The following CNOT6 variants were observed in gnomAD, a reference collection of about 807,000 sequenced individuals.
CNOT6 encodes the protein CCR4-NOT transcription complex subunit 6.
CNOT6 carries 12 observed loss-of-function variants against 61.2 expected under a neutral mutation model. The ratio of observed to expected loss-of-function variants is 0.20; its 90% confidence interval spans 0.13 to 0.32. CNOT6 has a LOEUF of 0.32. Ranked by LOEUF, CNOT6 falls within the 10% of genes least tolerant of loss-of-function variation. The pLI is 1.00. For missense variants in CNOT6, 405 were observed against 663.9 expected (o/e 0.61, Z 4.28); for synonymous variants, 225 against 240.6 (o/e 0.94, Z 0.60).
intron 2 of CNOT6, among the ~76,000 whole-genome samples, chr5:180,542,333 C>T (rs113496243): frequency 7.3e-5 from 11 of 151,492 alleles, no homozygotes; most frequent in African/African-American, 2.4e-4. Flanking sequence ...GGTGCAATCT[C>T]GGCTCACCGC....
chr5:180,495,356 G>T (rs1201950625), intron 1 of CNOT6: 1 of 152,236 alleles, frequency 6.6e-6, no homozygotes, highest in Non-Finnish European at 1.5e-5. Flanking sequence ...TTCGGAGATT[G>T]TACTGGTTTC....
At chr5:180,560,707 T>C (rs961677623) in intron 4 of CNOT6, among the ~76,000 whole-genome samples, 1 of 152,216 alleles carries the variant, frequency 6.6e-6, no homozygotes, top group Non-Finnish European at 1.5e-5. Flanking sequence ...GTGGATTCCT[T>C]TGGGTTTTTC....
intron 4 of CNOT6, among the ~76,000 whole-genome samples, chr5:180,553,954 G>T (rs934682992): frequency 6.6e-6 from 1 of 152,170 alleles, no homozygotes; most frequent in Admixed American, 6.6e-5. Flanking sequence ...AGAACTATTA[G>T]GAAATAAATA....
intron 1 of CNOT6, among the ~76,000 whole-genome samples, chr5:180,507,048 G>A (rs1375232624): frequency 6.6e-6 from 1 of 152,194 alleles, no homozygotes; most frequent in Non-Finnish European, 1.5e-5. Flanking sequence ...GGGATATGGA[G>A]GAAGGTTGTA....
intron 4 of CNOT6, among the ~76,000 whole-genome samples, chr5:180,556,536 A>G (rs371415841): frequency 1.3e-5 from 2 of 152,206 alleles, no homozygotes; most frequent in African/African-American, 2.4e-5. Flanking sequence ...ATACACAATT[A>G]TATGTCCATT....
chr5:180,523,529 C>G (rs938929367), intron 1 of CNOT6, among the ~76,000 whole-genome samples: 8 of 152,144 alleles, frequency 5.3e-5, no homozygotes, highest in African/African-American at 1.9e-4. Context: ...CTCTTTTCAA[C>G]AACTATTTCT....
At chr5:180,544,778 T>G (rs1434897443) in intron 2 of CNOT6, among the ~76,000 whole-genome samples, 1 of 152,088 alleles carries the variant, frequency 6.6e-6, no homozygotes, top group East Asian at 1.9e-4. Context: ...CTCTCTTGAG[T>G]GAAGAGGGCA....
Position 180,571,793 on chromosome 5 carries a change from C to T in CNOT6, c.1461+361C>T, listed in dbSNP as rs1300833488. Reference sequence around the variant, plus strand: ...GCCCAGGCTGATCTTGAACTCCTGGCCTCAAATGATTCTTCCACCTCAGCC... The same window carrying T: ...GCCCAGGCTGATCTTGAACTCCTGGTCTCAAATGATTCTTCCACCTCAGCC... On this transcript the variant is annotated intron_variant, in intron 11 of 11. Coordinates refer to ENST00000261951, the MANE Select transcript of CNOT6 (RefSeq NM_001370472.1). Among the ~76,000 whole-genome samples the T allele has an allele frequency of 2.0e-5, 3 of 152,056 alleles. No individual in the cohort carries two copies. The East Asian group carries it at 5.8e-4, about 29-fold the overall frequency.
chr5:180,526,181 G>C (rs1161978752), intron 1 of CNOT6, among the ~76,000 whole-genome samples: 2 of 152,098 alleles, frequency 1.3e-5, no homozygotes, highest in Admixed American at 1.3e-4. Flanking sequence ...GGAGAAGGCA[G>C]AGAACATACA....
chr5:180,545,466 TTTG>T (rs1273597622), intron 2 of CNOT6, among the ~76,000 whole-genome samples: 3 of 152,200 alleles, frequency 2.0e-5, no homozygotes, highest in Non-Finnish European at 4.4e-5. Flanking sequence ...TTGCATTTTT[TTTG>T]TTGTTTTTGG....
In CNOT6 at chr5:180,569,166, A is replaced by C; in HGVS notation, c.1084A>C (p.Met362Leu). The change falls in exon 10 of 12, where the codon ATG (methionine) becomes CTG (leucine). Residue 362 changes from methionine (M) to leucine (L), a missense_variant. Transcript: ENST00000261951. ...ACTTATTCTTGTGGCTAACGCCCAC[A>C]TGCATTGGGACCCTGAATACTCTGA... ...KQLILVANAH[M>L]HWDPEYSDVK... 6.2e-7 allele frequency: 1 copy of C among 1,614,190 alleles called. No homozygotes were observed.
chr5:180,555,171 T>C (rs2127750571), intron 4 of CNOT6, among the ~76,000 whole-genome samples: 1 of 152,236 alleles, frequency 6.6e-6, no homozygotes, highest in Admixed American at 6.5e-5. Flanking sequence ...CATGCCCAGC[T>C]AATTTTTTGT....
At chr5:180,543,249 C>T (rs180974415) in intron 2 of CNOT6, among the ~76,000 whole-genome samples, 143 of 152,106 alleles carry the variant, frequency 9.4e-4, no homozygotes, top group South Asian at 8.3e-3. Flanking sequence ...TTAATAGAGA[C>T]GGGGTTTCAT....
At chr5:180,512,525 A>C (rs1429602767) in intron 1 of CNOT6, among the ~76,000 whole-genome samples, 2 of 152,234 alleles carry the variant, frequency 1.3e-5, no homozygotes, top group Non-Finnish European at 2.9e-5. Flanking sequence ...GATGATATAG[A>C]ATCATCATTT....
At chr5:180,549,590 A>C (rs985627620) in intron 2 of CNOT6, among the ~76,000 whole-genome samples, 1 of 152,096 alleles carries the variant, frequency 6.6e-6, no homozygotes, top group East Asian at 1.9e-4. Flanking sequence ...CGGAGCTTGC[A>C]GTGAGCCCAG....
intron 1 of CNOT6, among the ~76,000 whole-genome samples, chr5:180,501,910 A>G (rs1452469390): frequency 6.6e-6 from 1 of 152,164 alleles, no homozygotes; most frequent in African/African-American, 2.4e-5. Context: ...ATAGGATTTG[A>G]CAGGTGGGGG....
intron 1 of CNOT6, 67 bp from the exon 2 acceptor site, chr5:180,529,208 A>AG (rs1758235885): frequency 1.1e-6 from 1 of 874,650 alleles, no homozygotes; most frequent in East Asian, 2.5e-5. Context: ...AAAAAAAAAA[A>AG]AAAAAGGTGT....
At position 180,567,229 on chromosome 5, in the gene CNOT6, T is replaced by C; in HGVS notation, c.859T>C (p.Phe287Leu). The C allele has an allele frequency of 6.2e-7, 1 of 1,604,770 alleles. No homozygotes were observed. Among genetic ancestry groups the C allele is most frequent in the Non-Finnish European group, 8.5e-7 (1 of 1,177,670 alleles). ...ACATGTTGATGGCTGTGCAATATTC[T>C]TCAAGACAGAAAAGTAAGTCATCTT... is the stretch of plus-strand genomic sequence containing the variant. Reference protein sequence around the residue: ...RKHVDGCAIFFKTEKFTLVQK... With the variant: ...RKHVDGCAIFLKTEKFTLVQK... The change falls in exon 8 of 12, where the codon TTC (phenylalanine) becomes CTC (leucine). Residue 287 changes from phenylalanine (F) to leucine (L), a missense_variant. Phe to Leu is a conservative substitution (Grantham distance 22, BLOSUM62 0). Around this residue, in one of 5 missense-constraint regions of CNOT6, gnomAD observed 24 missense variants for 85.2 expected, o/e 0.28. Transcript: ENST00000261951.
intron 1 of CNOT6, among the ~76,000 whole-genome samples, chr5:180,500,580 A>C (rs1436469285): frequency 6.6e-6 from 1 of 151,970 alleles, no homozygotes; most frequent in Non-Finnish European, 1.5e-5. Flanking sequence ...GACTACAGGC[A>C]CCTGCCATCA....
Sources: allele counts gnomAD v4.1 joint callset (sites outside exome capture counted in the v4.1 genomes callset), GRCh38; gene constraint gnomAD v4.1.1; regional missense constraint gnomAD v4.1.1; transcripts MANE v1.5; gene names NCBI Gene and HGNC (gene_info 2026-07-23, HGNC 2026-07-21).